The following SNX29 variants were observed in gnomAD, a reference collection of about 807,000 sequenced individuals.
The protein encoded by SNX29 is sorting nexin-29.
Under a neutral mutation model 102.1 loss-of-function variants are expected in SNX29, and 78 were observed. That is an observed-to-expected ratio of 0.76 (90% CI 0.64 to 0.92). The LOEUF is 0.92. Among genes scored for constraint, SNX29 ranks in the 40% least tolerant of loss-of-function variants. The pLI is 0.00. For missense variants in SNX29, 1,280 were observed against 1,061.7 expected, an observed-to-expected ratio of 1.21 and a Z score of -2.86; for synonymous variants, 580 against 414.5, an observed-to-expected ratio of 1.40 and a Z score of -4.85.
chr16:12,022,843 C>G (rs565706854), intron 3 of SNX29, among the ~76,000 whole-genome samples: 98 of 150,944 alleles, frequency 6.5e-4, no homozygotes, highest in African/African-American at 2.2e-3. Flanking sequence ...CTTCCTCTAG[C>G]ATAGTATTTT....
At chr16:12,483,550 C>T (rs1012967026) in intron 19 of SNX29, among the ~76,000 whole-genome samples, 4 of 151,586 alleles carry the variant, frequency 2.6e-5, no homozygotes, top group Admixed American at 1.3e-4. Context: ...CTCCTGAGCT[C>T]GTGATCCACC....
intron 20 of SNX29, among the ~76,000 whole-genome samples, chr16:12,542,287 C>G (rs1231446354): frequency 6.6e-6 from 1 of 152,134 alleles, no homozygotes; most frequent in African/African-American, 2.4e-5. Flanking sequence ...AATGGAGGAA[C>G]TTGCCCAAGA....
chr16:12,179,895 A>C (rs1199872043), intron 13 of SNX29, among the ~76,000 whole-genome samples: 2 of 140,444 alleles, frequency 1.4e-5, no homozygotes, highest in Non-Finnish European at 3.2e-5. Context: ...GACTTGCCCA[A>C]AGGAACTCTT....
intron 19 of SNX29, among the ~76,000 whole-genome samples, chr16:12,516,034 C>T (rs143544100): frequency 2.6e-5 from 4 of 152,266 alleles, no homozygotes; most frequent in Non-Finnish European, 5.9e-5. Flanking sequence ...CTTTTCTCGG[C>T]TAGGCCTAGA....
chr16:12,568,155 C>G (rs979074916), intron 20 of SNX29, among the ~76,000 whole-genome samples: 1 of 152,162 alleles, frequency 6.6e-6, no homozygotes, highest in East Asian at 1.9e-4. Flanking sequence ...GACTTAGAAG[C>G]GTACCTTTGC....
rs1375784611 is a variant in SNX29 at position 12,442,267 on chromosome 16, C to T, written c.2038-35452C>T. Among the ~76,000 whole-genome samples the T allele has an allele frequency of 7.9e-5, 12 of 152,288 alleles. No individual in the cohort carries two copies. In the South Asian group the frequency reaches 8.3e-4, roughly 11 times the overall value. ...TTGTTTCTGGACTCTTGACTCTGTCCCTTGCATCTCTATGCCTGTCCTTCT... is the reference window on the plus strand; with the variant it reads ...TTGTTTCTGGACTCTTGACTCTGTCTCTTGCATCTCTATGCCTGTCCTTCT... On this transcript the variant is annotated intron_variant, in intron 18 of 20. Coordinates refer to ENST00000566228, the MANE Select transcript of SNX29 (RefSeq NM_032167.5).
chr16:12,357,998 T>G (rs2082189948), intron 16 of SNX29, among the ~76,000 whole-genome samples: 1 of 152,176 alleles, frequency 6.6e-6, no homozygotes, highest in Non-Finnish European at 1.5e-5. Flanking sequence ...TTGGGTGGTG[T>G]TTTCTGTCAG....
At position 12,321,255 on chromosome 16, in the gene SNX29, A is replaced by T. The variant is rs189235564; in HGVS notation, c.1783-34908A>T. Among the ~76,000 whole-genome samples, 14 of 152,206 alleles carry T rather than the reference A, an allele frequency of 9.2e-5. No individual in the cohort carries two copies. The East Asian group carries it at 2.7e-3, about 29-fold the overall frequency. On this transcript the variant is annotated intron_variant, in intron 15 of 20. Transcript: ENST00000566228. ...AGTTCCCCACGCAGGGACCAAAGCC[A>T]CCTTGTCTTCTCCAGCGGCCACCCT...
chr16:12,013,500 A>AAAAAAAAAAAT, intron 3 of SNX29, among the ~76,000 whole-genome samples: 13 of 31,630 alleles, frequency 4.1e-4, no homozygotes, highest in Non-Finnish European at 6.8e-4. Context: ...AAAAAAAAAA[A>AAAAAAAAAAAT]ATATATATAT....
chr16:12,460,637 G>C (rs1413728098), intron 18 of SNX29, among the ~76,000 whole-genome samples: 1 of 150,074 alleles, frequency 6.7e-6, no homozygotes, highest in African/African-American at 2.5e-5. Context: ...CTGGCTGGCT[G>C]CCTCACAAAT....
In SNX29 at chr16:12,403,631, A is replaced by C. The variant is rs1163527524; in HGVS notation, c.2037+102A>C. On this transcript the variant is annotated intron_variant, in intron 18 of 20. Transcript: ENST00000566228. ...CTCTTGGTGGTGGGGCGCTATGATT[A>C]GGAGGCTATGGCCTTCCAGACACCC... is the stretch of plus-strand genomic sequence containing the variant. The C allele has an allele frequency of 6.2e-6, 7 of 1,136,454 alleles. No homozygotes were observed. In the Admixed American group the frequency reaches 1.4e-4, roughly 23 times the overall value. 70.4% of individuals were successfully genotyped at this position (1,136,454 alleles called of 1,614,324 possible). A position where few individuals can be genotyped will look rare whatever the true frequency, so the allele number is the denominator to read the frequency against.
At chr16:12,386,359 C>G (rs934711815) in intron 16 of SNX29, among the ~76,000 whole-genome samples, 1 of 152,184 alleles carries the variant, frequency 6.6e-6, no homozygotes, top group Non-Finnish European at 1.5e-5. Context: ...TACAACAAAC[C>G]TCTGAGGGAG....
At chr16:12,556,329 A>G (rs576648764) in intron 20 of SNX29, 2 of 152,350 alleles carry the variant, frequency 1.3e-5, no homozygotes, top group Admixed American at 1.3e-4. Context: ...CTAGACCAGG[A>G]CAGACCACTT....
chr16:12,298,185 A>G (rs1331081041), intron 15 of SNX29, among the ~76,000 whole-genome samples: 2 of 152,170 alleles, frequency 1.3e-5, no homozygotes, highest in Non-Finnish European at 2.9e-5. Context: ...GAAAAGAAAT[A>G]ATAATAGCAC....
At chr16:12,123,449 A>C (rs563766702) in intron 11 of SNX29, among the ~76,000 whole-genome samples, 24 of 152,304 alleles carry the variant, frequency 1.6e-4, no homozygotes, top group Middle Eastern at 6.8e-3. Context: ...CATCTCTCTC[A>C]CATCCTCATG....
In SNX29 at chr16:12,571,319, G is replaced by A. The variant is rs776541314; in HGVS notation, c.*2690G>A. 53 of 231,408 alleles carry A rather than the reference G, an allele frequency of 2.3e-4. No individual in the cohort carries two copies. The highest frequency in any genetic ancestry group is 9.0e-4 in the Admixed American group (16 of 17,732). The allele number at this position is 231,408 out of a possible 1,614,324, so 14.3% of individuals were successfully genotyped here. Reference sequence around the variant, plus strand: ...CACCCTGGAAATGTGTCAACTGCCTGTCAGCCTGGATTCAATTCTGAGGGC... The same window carrying A: ...CACCCTGGAAATGTGTCAACTGCCTATCAGCCTGGATTCAATTCTGAGGGC... On this transcript the variant is annotated 3_prime_UTR_variant, in exon 21 of 21. Transcript: ENST00000566228.
intron 16 of SNX29, among the ~76,000 whole-genome samples, chr16:12,380,471 C>G (rs998332532): frequency 1.7e-5 from 2 of 116,784 alleles, no homozygotes; most frequent in African/African-American, 6.3e-5. Flanking sequence ...CACCCACCAT[C>G]CATCCACCCA....
chr16:12,544,122 G>C (rs368144677), intron 20 of SNX29, among the ~76,000 whole-genome samples: 1 of 152,204 alleles, frequency 6.6e-6, no homozygotes, highest in Non-Finnish European at 1.5e-5. Context: ...AGGAAAACAA[G>C]TCCATAACCC....
chr16:12,565,716 C>T (rs1177369943), intron 20 of SNX29, among the ~76,000 whole-genome samples: 1 of 152,220 alleles, frequency 6.6e-6, no homozygotes, highest in African/African-American at 2.4e-5. Flanking sequence ...TGGGCCGGGT[C>T]TGCCCGGCTA....
Sources: gnomAD v4.1 joint callset for allele counts (sites outside exome capture counted in the v4.1 genomes callset) on GRCh38, gnomAD v4.1.1 for gene constraint, MANE v1.5 for transcripts, NCBI Gene and HGNC (gene_info 2026-07-23, HGNC 2026-07-21) for gene names.